Variants in PARD3 observed in about 807,000 individuals in gnomAD.
PARD3 encodes the protein par-3 family cell polarity regulator, also known as partitioning defective 3 homolog.
Under a neutral mutation model 155.4 loss-of-function variants are expected in PARD3, and 75 were observed. That is an observed-to-expected ratio of 0.48 (90% CI 0.40 to 0.58). The LOEUF is 0.58. PARD3 is among the 20% of genes least tolerant of loss of function. The pLI is 0.00. For synonymous variants in PARD3, 576 were observed against 610.5 expected (o/e 0.94, Z 0.83); for missense variants, 1,642 against 1,721.7 (o/e 0.95, Z 0.82).
At chr10:34,684,530 C>T (rs955217976) in intron 2 of PARD3, among the ~76,000 whole-genome samples, 1 of 152,072 alleles carries the variant, frequency 6.6e-6, no homozygotes, top group African/African-American at 2.4e-5. Flanking sequence ...GTGAATGCCC[C>T]ACCATCTCCA....
At chr10:34,161,063 G>C (rs1949254153) in intron 22 of PARD3, among the ~76,000 whole-genome samples, 1 of 152,054 alleles carries the variant, frequency 6.6e-6, no homozygotes, top group Admixed American at 6.6e-5. Context: ...GCAATATAGT[G>C]AGACCTCATC....
chr10:34,662,293 T>C (rs1381567774), intron 2 of PARD3, among the ~76,000 whole-genome samples: 2 of 152,132 alleles, frequency 1.3e-5, no homozygotes, highest in Admixed American at 1.3e-4. Context: ...GAAAACCTCA[T>C]ACACTGTTGG....
chr10:34,581,860 T>C (rs1455572598), intron 2 of PARD3, among the ~76,000 whole-genome samples: 2 of 152,198 alleles, frequency 1.3e-5, no homozygotes, highest in African/African-American at 2.4e-5. Context: ...TTATGGGCAA[T>C]CCCTCTTGTG....
intron 2 of PARD3, among the ~76,000 whole-genome samples, chr10:34,540,194 C>T (rs1419239959): frequency 2.6e-5 from 4 of 152,112 alleles, no homozygotes; most frequent in African/African-American, 9.7e-5. Context: ...AACAACAGCA[C>T]GCATTAGAGC....
chr10:34,204,519 A>C (rs950868928), intron 22 of PARD3, among the ~76,000 whole-genome samples: 2 of 152,144 alleles, frequency 1.3e-5, no homozygotes, highest in Non-Finnish European at 2.9e-5. Flanking sequence ...CATTTAACCC[A>C]AAACTCAGGG....
intron 22 of PARD3, among the ~76,000 whole-genome samples, chr10:34,227,727 A>G (rs1364978294): frequency 6.6e-6 from 1 of 151,266 alleles, no homozygotes; most frequent in Non-Finnish European, 1.5e-5. Flanking sequence ...GCTGGAAGGA[A>G]TGTAAATTAT....
At chr10:34,384,071 C>A in intron 8 of PARD3, 58 bp downstream of exon 8, 1 of 1,547,206 alleles carries the variant, frequency 6.5e-7, no homozygotes, top group South Asian at 1.1e-5. Context: ...TTTCAACTGA[C>A]TGCACTCTGT....
chr10:34,123,801 T>C (rs1238392369), intron 23 of PARD3, among the ~76,000 whole-genome samples: 1 of 151,904 alleles, frequency 6.6e-6, no homozygotes, highest in Non-Finnish European at 1.5e-5. Flanking sequence ...AAAATAAAAA[T>C]AGAAAAAAAT....
chr10:34,728,274 T>A (rs898947712), intron 1 of PARD3, among the ~76,000 whole-genome samples: 1 of 152,218 alleles, frequency 6.6e-6, no homozygotes, highest in African/African-American at 2.4e-5. Flanking sequence ...CTGCTTCAAA[T>A]ACATACAAAT....
intron 15 of PARD3, chr10:34,344,818 C>T (rs1212243509): frequency 1.0e-6 from 1 of 985,286 alleles, no homozygotes; most frequent in Non-Finnish European, 1.2e-6. Context: ...AAATCCTAAT[C>T]AGGTGTGACT....
chr10:34,419,422 CAGG>C (rs1211480415), intron 5 of PARD3, among the ~76,000 whole-genome samples: 1 of 152,044 alleles, frequency 6.6e-6, no homozygotes, highest in Non-Finnish European at 1.5e-5. Flanking sequence ...GAGGCTGAGA[CAGG>C]AGAATTGCTT....
intron 18 of PARD3, among the ~76,000 whole-genome samples, chr10:34,334,514 A>G (rs1478416361): frequency 6.6e-6 from 1 of 151,846 alleles, no homozygotes; most frequent in African/African-American, 2.4e-5. Flanking sequence ...TAAAATCATA[A>G]TCTTTCTTGA....
At chr10:34,592,108 T>C (rs2088757207) in intron 2 of PARD3, among the ~76,000 whole-genome samples, 1 of 152,190 alleles carries the variant, frequency 6.6e-6, no homozygotes, top group Non-Finnish European at 1.5e-5. Context: ...CGCTCCTAAC[T>C]AACCATCAAC....
chr10:34,226,292 G>A (rs1357715068), intron 22 of PARD3, among the ~76,000 whole-genome samples: 3 of 152,274 alleles, frequency 2.0e-5, no homozygotes, highest in Admixed American at 1.3e-4. Flanking sequence ...GCTAATGCCT[G>A]TAATCCCAAC....
chr10:34,244,985 G>A (rs1040362394), intron 22 of PARD3, among the ~76,000 whole-genome samples: 20 of 152,316 alleles, frequency 1.3e-4, no homozygotes, highest in Middle Eastern at 3.4e-3. Context: ...AGCAGTGTGA[G>A]TCCTAAAAAC....
chr10:34,636,292 C>T (rs2092471614), intron 2 of PARD3, among the ~76,000 whole-genome samples: 1 of 152,184 alleles, frequency 6.6e-6, no homozygotes, highest in South Asian at 2.1e-4. Context: ...TGTTTCCACC[C>T]TCTTCTTCCC....
chr10:34,562,917 A>T (rs947128752), intron 2 of PARD3, among the ~76,000 whole-genome samples: 17 of 151,976 alleles, frequency 1.1e-4, no homozygotes, highest in African/African-American at 3.9e-4. Flanking sequence ...GACTACAGGC[A>T]TGTGTCACCA....
intron 3 of PARD3, among the ~76,000 whole-genome samples, chr10:34,470,645 C>T (rs533531343): frequency 6.6e-6 from 1 of 152,236 alleles, no homozygotes; most frequent in Non-Finnish European, 1.5e-5. Context: ...TTAAACAGTG[C>T]TAGACATATA....
intron 2 of PARD3, among the ~76,000 whole-genome samples, chr10:34,525,751 G>A (rs1162643657): frequency 4.0e-5 from 6 of 151,096 alleles, no homozygotes; most frequent in African/African-American, 1.5e-4. Flanking sequence ...TTTTTTCTAA[G>A]AGGCGTGAGC....
Sources: gnomAD v4.1 joint callset for allele counts (sites outside exome capture counted in the v4.1 genomes callset) on GRCh38, gnomAD v4.1.1 for gene constraint, MANE v1.5 for transcripts, NCBI Gene and HGNC (gene_info 2026-07-23, HGNC 2026-07-21) for gene names.